Variants in ALDH2 observed in about 807,000 individuals in gnomAD.
ALDH2 encodes aldehyde dehydrogenase 2 family member.
ALDH2 carries 44 observed loss-of-function variants against 59.6 expected under a neutral mutation model. The observed-to-expected ratio is 0.74, with a 90% CI of 0.58 to 0.95. ALDH2 has a LOEUF of 0.95. ALDH2 is among the 40% of genes least tolerant of loss of function. The pLI is 0.00. For missense variants in ALDH2, 570 were observed against 696.3 expected (o/e 0.82, Z 2.04); for synonymous variants, 291 against 284.0 (o/e 1.02, Z -0.25).
At chr12:111,776,359 C>T (rs146468087) in intron 1 of ALDH2, among the ~76,000 whole-genome samples, 4 of 152,306 alleles carry the variant, frequency 2.6e-5, no homozygotes, top group South Asian at 4.1e-4. Context: ...AGGAACTGTA[C>T]ACTCGTTCTT....
intron 9 of ALDH2, among the ~76,000 whole-genome samples, chr12:111,796,099 A>T (rs1248605649): frequency 7.0e-6 from 1 of 142,378 alleles, no homozygotes. Flanking sequence ...CATCTCTACT[A>T]AAAAAAAAAA....
In ALDH2 at chr12:111,789,874, C is replaced by T. The variant is rs533704716; in HGVS notation, c.492C>T (p.Asp164=). The part of the protein sequence containing the change: ...DKYHGKTIPI[D]GDFFSYTRHE... ...ACCACGGGAAAACCATCCCCATTGA[C>T]GGAGACTTCTTCAGCTACACACGCC... Residue 164 remains aspartate (D), a synonymous_variant, in exon 5 of 13, where the codon GAC becomes GAT. Coordinates refer to ENST00000261733, the MANE Select transcript of ALDH2 (RefSeq NM_000690.4). 1.1e-5 allele frequency: 17 copies of T among 1,614,080 alleles called. No individual in the cohort carries two copies. The highest frequency in any genetic ancestry group is 2.7e-5 in the African/African-American group (2 of 74,926).
intron 4 of ALDH2, among the ~76,000 whole-genome samples, chr12:111,788,436 C>A (rs576740846): frequency 1.1e-4 from 17 of 152,306 alleles, no homozygotes; most frequent in Non-Finnish European, 2.1e-4. Context: ...ATTCTCCAGC[C>A]CCAGATGTCA....
intron 1 of ALDH2, among the ~76,000 whole-genome samples, chr12:111,780,387 C>T (rs549205986): frequency 1.4e-4 from 22 of 152,296 alleles, no homozygotes; most frequent in African/African-American, 4.3e-4. Flanking sequence ...TCCCTGACCC[C>T]GTTTTTTATC....
At chr12:111,788,992 A>G (rs980110231) in intron 4 of ALDH2, among the ~76,000 whole-genome samples, 2 of 151,226 alleles carry the variant, frequency 1.3e-5, no homozygotes, top group East Asian at 3.9e-4. Context: ...GCAACTGAGC[A>G]AGACCCTGTT....
At chr12:111,780,462 T>C (rs1364284805) in intron 1 of ALDH2, among the ~76,000 whole-genome samples, 1 of 152,240 alleles carries the variant, frequency 6.6e-6, no homozygotes, top group African/African-American at 2.4e-5. Flanking sequence ...ACCAGACTTA[T>C]TCCTGCCCTG....
At chr12:111,792,022 C>A in intron 7 of ALDH2, 39 bp from the exon 8 acceptor site, 1 of 1,352,776 alleles carries the variant, frequency 7.4e-7, no homozygotes, top group South Asian at 1.2e-5. Flanking sequence ...TCTTTTCTCC[C>A]GGCACTGAGA....
intron 4 of ALDH2, among the ~76,000 whole-genome samples, chr12:111,786,624 C>T (rs953009420): frequency 1.3e-5 from 2 of 151,952 alleles, no homozygotes; most frequent in Admixed American, 6.6e-5. Flanking sequence ...TAGTTCACTG[C>T]AGTGTTGACC....
At chr12:111,803,658 C>T (rs955473797) in intron 11 of ALDH2, among the ~76,000 whole-genome samples, 1 of 151,776 alleles carries the variant, frequency 6.6e-6, no homozygotes, top group Admixed American at 6.6e-5. Context: ...ATCTCTTGAA[C>T]CCCAGATGTG....
intron 3 of ALDH2, among the ~76,000 whole-genome samples, 198 bp from the exon 4 acceptor site, chr12:111,785,069 C>G (rs148600666): frequency 1.0e-3 from 156 of 152,264 alleles, no homozygotes; most frequent in African/African-American, 3.5e-3. Context: ...CCTGCCTGGC[C>G]CCCTTCCTCC....
chr12:111,804,514 G>A (rs551015634), intron 12 of ALDH2, among the ~76,000 whole-genome samples: 1 of 152,294 alleles, frequency 6.6e-6, no homozygotes, highest in Non-Finnish European at 1.5e-5. Context: ...GGGAGGCCAA[G>A]GTGGGTGGAT....
rs796151915 is a variant in ALDH2 at position 111,791,484 on chromosome 12, C to T, written c.795+65C>T. 62 of 1,263,586 alleles carry T rather than the reference C, an allele frequency of 4.9e-5. No individual in the cohort carries two copies. In the African/African-American group the frequency reaches 6.8e-4, roughly 14 times the overall value. 78.3% of individuals were successfully genotyped at this position (1,263,586 alleles called of 1,614,324 possible). A position where few individuals can be genotyped will look rare whatever the true frequency, so the allele number is the denominator to read the frequency against. Reference sequence around the variant, plus strand: ...CCAAGCTCCCCCTGTCCTCAGTGGACGACATGCTCAAGGTGAGCTCCCGGG... The same window carrying T: ...CCAAGCTCCCCCTGTCCTCAGTGGATGACATGCTCAAGGTGAGCTCCCGGG... On this transcript the variant is annotated intron_variant, in intron 7 of 12. Transcript: ENST00000261733.
intron 9 of ALDH2, 45 bp from the exon 10 acceptor site, chr12:111,798,033 G>T: frequency 6.2e-7 from 1 of 1,611,162 alleles, no homozygotes; most frequent in Non-Finnish European, 8.5e-7. Context: ...CCTAGGAGAG[G>T]TCTGAATCCG....
rs1286665611 is a variant in ALDH2 at position 111,798,549 on chromosome 12, C to T, written c.1248+307C>T. Among the ~76,000 whole-genome samples the T allele has an allele frequency of 2.6e-5, 4 of 152,152 alleles. No homozygotes were observed. In the East Asian group the frequency reaches 7.8e-4, roughly 30 times the overall value. ...TCTGCTCCTTCCCATGACCTTTTTT[C>T]TTTCAGTCAGATTCTTGCTCTGTTG... On this transcript the variant is annotated intron_variant, in intron 10 of 12. Transcript: ENST00000261733.
In ALDH2 at chr12:111,813,776, GAGA is replaced by G. The variant is rs2068551947; in HGVS notation, c.*4204_*4206del. 6.6e-6 allele frequency: 1 copy of G among 152,238 alleles called. No homozygotes were observed. The highest frequency in any genetic ancestry group is 6.5e-5 in the Admixed American group (1 of 15,274). 9.4% of individuals were successfully genotyped at this position (152,238 alleles called of 1,614,324 possible). A position where few individuals can be genotyped will look rare whatever the true frequency, so the allele number is the denominator to read the frequency against. On this transcript the variant is annotated 3_prime_UTR_variant, in exon 13 of 13. Transcript: ENST00000261733. Reference sequence around the variant, plus strand: ...TCCAGAACAGGCAAATCTATATAGAGAGAAGGTCGATTGCTGGGGGCCCTGGGA... The same window carrying G: ...TCCAGAACAGGCAAATCTATATAGAGAGGTCGATTGCTGGGGGCCCTGGGA...
intron 1 of ALDH2, among the ~76,000 whole-genome samples, chr12:111,779,102 C>T (rs2068253171): frequency 6.6e-6 from 1 of 151,328 alleles, no homozygotes; most frequent in Non-Finnish European, 1.5e-5. Flanking sequence ...GCAATCCTCC[C>T]ACCTTGGCCT....
intron 1 of ALDH2, among the ~76,000 whole-genome samples, chr12:111,776,877 G>T (rs1255052387): frequency 6.6e-6 from 1 of 151,922 alleles, no homozygotes; most frequent in Non-Finnish European, 1.5e-5. Flanking sequence ...TAGAGACAGG[G>T]TTTCACCATG....
chr12:111,799,766 G>A, intron 10 of ALDH2, 140 bp from the exon 11 acceptor site: 1 of 1,023,110 alleles, frequency 9.8e-7, no homozygotes. Context: ...GAGCTTGATG[G>A]CTGTTGTCTT....
Position 111,816,908 on chromosome 12 carries a change from A to G in ALDH2, c.*7333A>G, listed in dbSNP as rs1364142470. On this transcript the variant is annotated 3_prime_UTR_variant, in exon 13 of 13. Coordinates refer to ENST00000261733, the MANE Select transcript of ALDH2 (RefSeq NM_000690.4). ...TATCAAAGGTGATGTTGGATGTGCA[A>G]GCTCCCTGCAAATGGGCTTTCACAA... 1 of 152,188 alleles carries G rather than the reference A, an allele frequency of 6.6e-6. No homozygotes were observed. The highest frequency in any genetic ancestry group is 1.5e-5 in the Non-Finnish European group (1 of 68,032). The allele number at this position is 152,188 out of a possible 1,614,324, so 9.4% of individuals were successfully genotyped here.
Sources: gnomAD v4.1 joint callset for allele counts (sites outside exome capture counted in the v4.1 genomes callset) on GRCh38, gnomAD v4.1.1 for gene constraint, MANE v1.5 for transcripts, NCBI Gene and HGNC (gene_info 2026-07-23, HGNC 2026-07-21) for gene names.